Variants in SMOC2 observed in about 807,000 individuals in gnomAD.
SMOC2 encodes the protein SPARC related modular calcium binding 2, also known as SPARC-related modular calcium-binding protein 2.
Under a neutral mutation model 61.4 loss-of-function variants are expected in SMOC2, and 39 were observed. That is an observed-to-expected ratio of 0.64 (90% confidence interval 0.49 to 0.83). SMOC2 has a LOEUF of 0.83. Among genes scored for constraint, SMOC2 ranks in the 40% least tolerant of loss-of-function variants. SMOC2 has a pLI of 0.00. For synonymous variants in SMOC2, 247 were observed against 239.9 expected, an observed-to-expected ratio of 1.03 and a Z score of -0.27; for missense variants, 556 against 592.9, an observed-to-expected ratio of 0.94 and a Z score of 0.65.
intron 2 of SMOC2, among the ~76,000 whole-genome samples, chr6:168,518,741 GA>G (rs1435116553): frequency 6.6e-6 from 1 of 151,002 alleles, no homozygotes; most frequent in African/African-American, 2.4e-5. Context: ...GCATGTGTGT[GA>G]ATGTGCATGT....
At chr6:168,531,625 G>A (rs531153895) in intron 4 of SMOC2, among the ~76,000 whole-genome samples, 73 of 152,302 alleles carry the variant, frequency 4.8e-4, no homozygotes, top group Middle Eastern at 6.8e-3. Context: ...TGGAGAGAGC[G>A]GGCTGGGCAT....
At chr6:168,515,474 T>G (rs1783107935) in intron 2 of SMOC2, among the ~76,000 whole-genome samples, 1 of 152,222 alleles carries the variant, frequency 6.6e-6, no homozygotes, top group African/African-American at 2.4e-5. Flanking sequence ...ACGAGTTGCC[T>G]CCAGTTAAGT....
At chr6:168,457,825 C>T (rs1422686962) in intron 1 of SMOC2, among the ~76,000 whole-genome samples, 1 of 152,196 alleles carries the variant, frequency 6.6e-6, no homozygotes, top group African/African-American at 2.4e-5. Flanking sequence ...CCTCCTCTTT[C>T]TAATGAGTCT....
intron 1 of SMOC2, among the ~76,000 whole-genome samples, chr6:168,459,775 G>A (rs1423377372): frequency 1.4e-5 from 2 of 144,636 alleles, no homozygotes; most frequent in Non-Finnish European, 3.0e-5. Context: ...TGGGTGAGCC[G>A]GGGTGGTGAG....
intron 1 of SMOC2, among the ~76,000 whole-genome samples, chr6:168,476,262 A>C (rs1036428341): frequency 1.3e-5 from 2 of 152,124 alleles, no homozygotes; most frequent in Non-Finnish European, 2.9e-5. Context: ...TTTTCGTGAT[A>C]TATAGTTAAT....
At chr6:168,474,594 C>T (rs962631198) in intron 1 of SMOC2, among the ~76,000 whole-genome samples, 2 of 152,248 alleles carry the variant, frequency 1.3e-5, no homozygotes, top group African/African-American at 4.8e-5. Flanking sequence ...AATTTACAAA[C>T]GTGTCTGTCC....
chr6:168,481,677 T>C (rs1583046873), intron 1 of SMOC2, among the ~76,000 whole-genome samples: 1 of 151,864 alleles, frequency 6.6e-6, no homozygotes, highest in Admixed American at 6.6e-5. Flanking sequence ...TTATCAGAAA[T>C]TAATTTAAAT....
At chr6:168,586,137 C>A (rs1020997395) in intron 7 of SMOC2, among the ~76,000 whole-genome samples, 3 of 151,994 alleles carry the variant, frequency 2.0e-5, no homozygotes, top group African/African-American at 7.2e-5. Context: ...ATGTTTAGAT[C>A]TCTAATTTAT....
At chr6:168,541,575 C>T (rs1783879598) in intron 4 of SMOC2, among the ~76,000 whole-genome samples, 1 of 152,092 alleles carries the variant, frequency 6.6e-6, no homozygotes, top group South Asian at 2.1e-4. Context: ...TCCTGGAGGC[C>T]AGGATCTTAC....
At chr6:168,635,768 G>A (rs955663543) in intron 9 of SMOC2, among the ~76,000 whole-genome samples, 4 of 151,858 alleles carry the variant, frequency 2.6e-5, no homozygotes, top group Admixed American at 6.6e-5. Context: ...CTACTTGGGA[G>A]GCTGAGGCAT....
At chr6:168,601,357 T>G (rs113960537) in intron 8 of SMOC2, among the ~76,000 whole-genome samples, 1,541 of 152,340 alleles carry the variant, frequency 0.01, 25 homozygotes, top group African/African-American at 0.033. Context: ...GACACCCCAC[T>G]CAGCCGACAC....
At chr6:168,547,383 AAC>A (rs1248586552) in intron 6 of SMOC2, among the ~76,000 whole-genome samples, 1 of 151,612 alleles carries the variant, frequency 6.6e-6, no homozygotes, top group Non-Finnish European at 1.5e-5. Context: ...AGGAGAGGAA[AAC>A]AGCAAGCCGA....
chr6:168,513,290 AT>A, intron 2 of SMOC2, among the ~76,000 whole-genome samples: 1 of 152,124 alleles, frequency 6.6e-6, no homozygotes, highest in Non-Finnish European at 1.5e-5. Context: ...AATTTGTTGA[AT>A]CTAACGTACC....
intron 1 of SMOC2, among the ~76,000 whole-genome samples, chr6:168,455,885 G>A (rs1482184656): frequency 6.6e-6 from 1 of 152,238 alleles, no homozygotes; most frequent in African/African-American, 2.4e-5. Context: ...AACAGCATTA[G>A]AGGACTAGGG....
At chr6:168,469,705 C>T (rs747650343) in intron 1 of SMOC2, among the ~76,000 whole-genome samples, 2 of 152,080 alleles carry the variant, frequency 1.3e-5, no homozygotes, top group African/African-American at 2.4e-5. Flanking sequence ...CAGAGCTGGT[C>T]GGAGCCGATG....
At chr6:168,518,839 A>ATG (rs1783231108) in intron 2 of SMOC2, among the ~76,000 whole-genome samples, 17 of 147,194 alleles carry the variant, frequency 1.2e-4, no homozygotes, top group South Asian at 2.3e-4. Context: ...ATGAGTGTGC[A>ATG]TGCGTGTGTG....
chr6:168,545,092 A>C (rs1783959619), intron 5 of SMOC2, among the ~76,000 whole-genome samples: 1 of 152,148 alleles, frequency 6.6e-6, no homozygotes, highest in Non-Finnish European at 1.5e-5. Flanking sequence ...AACTGAGTCG[A>C]GAAGATAATG....
chr6:168,651,999 C>T (rs1365651047), intron 10 of SMOC2, among the ~76,000 whole-genome samples: 1 of 150,450 alleles, frequency 6.6e-6, no homozygotes, highest in Non-Finnish European at 1.5e-5. Context: ...CAAGACCACA[C>T]CATTGCACTT....
At chr6:168,509,047 C>A (rs1301186430) in intron 1 of SMOC2, among the ~76,000 whole-genome samples, 2 of 148,908 alleles carry the variant, frequency 1.3e-5, no homozygotes, top group South Asian at 4.3e-4. Flanking sequence ...GAGGCCTGGA[C>A]GGGACTAGTT....
Sources: allele counts gnomAD v4.1 joint callset (sites outside exome capture counted in the v4.1 genomes callset), GRCh38; gene constraint gnomAD v4.1.1; transcripts MANE v1.5; gene names NCBI Gene and HGNC (gene_info 2026-07-23, HGNC 2026-07-21).